SUDS3: variants seen among roughly 807,000 people sequenced by gnomAD.
SUDS3 encodes the protein SIN3A corepressor complex component SDS3, also known as sin3 histone deacetylase corepressor complex component SDS3.
In SUDS3, 23 loss-of-function variants were observed where a neutral mutation model predicts 53.5. The observed-to-expected ratio is 0.43, with a 90% CI of 0.31 to 0.61. The LOEUF is 0.61. Ranked by LOEUF, SUDS3 falls within the 20% of genes least tolerant of loss-of-function variation. The probability of loss-of-function intolerance (pLI) is 0.10; values close to 1 mark genes in which losing one functional copy is unlikely to be tolerated. For missense variants in SUDS3, 291 were observed against 405.9 expected (o/e 0.72, Z 2.43); for synonymous variants, 150 against 148.5 (o/e 1.01, Z -0.08).
chr12:118,381,994 CAA>C (rs1252811508), intron 2 of SUDS3, among the ~76,000 whole-genome samples: 1 of 152,000 alleles, frequency 6.6e-6, no homozygotes, highest in East Asian at 1.9e-4. Context: ...CTTTGGAACT[CAA>C]AGGGGTAATT....
At chr12:118,379,777 C>T (rs2046038200) in intron 1 of SUDS3, among the ~76,000 whole-genome samples, 2 of 152,214 alleles carry the variant, frequency 1.3e-5, no homozygotes. Context: ...CTGCCTGTGC[C>T]TGAGACACCC....
intron 5 of SUDS3, among the ~76,000 whole-genome samples, chr12:118,390,657 A>G (rs867086713): frequency 8.5e-5 from 13 of 152,246 alleles, no homozygotes; most frequent in Middle Eastern, 3.2e-3. Flanking sequence ...GCGAGATTTG[A>G]AAAGCGGAGG....
chr12:118,397,396 CA>C (rs2046225757), intron 6 of SUDS3, among the ~76,000 whole-genome samples: 1 of 152,186 alleles, frequency 6.6e-6, no homozygotes, highest in African/African-American at 2.4e-5. Flanking sequence ...CTTCCAGGTG[CA>C]CTCAGACCTG....
intron 6 of SUDS3, among the ~76,000 whole-genome samples, chr12:118,395,851 C>A (rs1360168094): frequency 6.6e-6 from 1 of 151,990 alleles, no homozygotes; most frequent in Non-Finnish European, 1.5e-5. Flanking sequence ...GCCACCATGC[C>A]TGACTAATTT....
chr12:118,388,837 C>T (rs2046138514), intron 4 of SUDS3, among the ~76,000 whole-genome samples: 1 of 152,086 alleles, frequency 6.6e-6, no homozygotes, highest in South Asian at 2.1e-4. Flanking sequence ...ACATATAGCC[C>T]TTCATATAGT....
At chr12:118,407,135 A>G (rs564306749) in intron 10 of SUDS3, among the ~76,000 whole-genome samples, 1 of 152,206 alleles carries the variant, frequency 6.6e-6, no homozygotes, top group African/African-American at 2.4e-5. Flanking sequence ...CCTGAGCTGA[A>G]GTGATCCTCC....
chr12:118,376,878 C>A, intron 1 of SUDS3, 45 bp downstream of exon 1: 1 of 1,044,922 alleles, frequency 9.6e-7, no homozygotes, highest in Non-Finnish European at 1.3e-6. Flanking sequence ...GAGGTGGGAC[C>A]GCTGGGGGAG....
In SUDS3 at chr12:118,401,891, T is replaced by A. The variant is rs904162991; in HGVS notation, c.675+71T>A. The A allele has an allele frequency of 4.4e-6, 7 of 1,587,418 alleles. No individual in the cohort carries two copies. In the Admixed American group the frequency reaches 1.2e-4, roughly 27 times the overall value. On this transcript the variant is annotated intron_variant, in intron 8 of 11. Coordinates refer to ENST00000543473, the MANE Select transcript of SUDS3 (RefSeq NM_022491.3). ...GGTTTTCTGATTTTGTTTGTTAACATGTTACTTGTTAATCATTATGATACC... is the reference window on the plus strand; with the variant it reads ...GGTTTTCTGATTTTGTTTGTTAACAAGTTACTTGTTAATCATTATGATACC...
At chr12:118,394,931 T>C (rs1264186449) in intron 6 of SUDS3, among the ~76,000 whole-genome samples, 2 of 152,212 alleles carry the variant, frequency 1.3e-5, no homozygotes, top group East Asian at 3.9e-4. Flanking sequence ...GCAATCTGCC[T>C]GCCTTGGTCT....
chr12:118,391,094 G>T lies in SUDS3; in HGVS notation c.361-32G>T, dbSNP rs763205495. 3.0e-5 allele frequency: 48 copies of T among 1,610,976 alleles called. No individual in the cohort carries two copies. The African/African-American group carries it at 6.2e-4, about 21-fold the overall frequency. ...TTGGAGCCCTGGCTCCCAGGGCTGT[G>T]TACTCCCAGCCCGTGTTTCTCTTTT... is the stretch of plus-strand genomic sequence containing the variant. On this transcript the variant is annotated intron_variant, in intron 5 of 11. Transcript: ENST00000543473.
chr12:118,408,239 G>C (rs2046325585), intron 10 of SUDS3, among the ~76,000 whole-genome samples: 1 of 151,288 alleles, frequency 6.6e-6, no homozygotes, highest in African/African-American at 2.4e-5. Context: ...TCACCTTGTT[G>C]CCCAGGCTGG....
intron 6 of SUDS3, 68 bp from the exon 7 acceptor site, chr12:118,400,591 T>A: frequency 1.4e-6 from 2 of 1,459,168 alleles, no homozygotes; most frequent in Middle Eastern, 3.9e-4. Flanking sequence ...GATATTCTTA[T>A]ACTATAGAAA....
At chr12:118,392,464 C>T (rs1420447481) in intron 6 of SUDS3, among the ~76,000 whole-genome samples, 1 of 152,178 alleles carries the variant, frequency 6.6e-6, no homozygotes, top group Admixed American at 6.5e-5. Flanking sequence ...TTAGCTTCCT[C>T]ATAGAGAGAG....
chr12:118,390,228 C>T (rs185384728), intron 5 of SUDS3, among the ~76,000 whole-genome samples: 102 of 152,326 alleles, frequency 6.7e-4, no homozygotes, highest in Admixed American at 3.6e-3. Flanking sequence ...TGAGTTATAA[C>T]GGCCTAATAG....
intron 3 of SUDS3, among the ~76,000 whole-genome samples, chr12:118,385,653 C>T (rs566377788): frequency 1.3e-5 from 2 of 152,300 alleles, no homozygotes; most frequent in South Asian, 2.1e-4. Context: ...TTTAGTTCTT[C>T]GGTTCCACTA....
At chr12:118,380,108 G>A in intron 1 of SUDS3, 54 bp from the exon 2 acceptor site, 4 of 1,459,434 alleles carry the variant, frequency 2.7e-6, no homozygotes, top group East Asian at 2.4e-5. Context: ...GTCAGGTGAC[G>A]CCAACTCCGT....
intron 11 of SUDS3, among the ~76,000 whole-genome samples, chr12:118,411,659 G>A (rs557238166): frequency 1.9e-4 from 29 of 151,958 alleles, no homozygotes; most frequent in African/African-American, 6.5e-4. Flanking sequence ...CACCACGCCC[G>A]GCTAATTTTT....
At chr12:118,400,494 T>C (rs1232097432) in intron 6 of SUDS3, among the ~76,000 whole-genome samples, 165 bp from the exon 7 acceptor site, 1 of 152,152 alleles carries the variant, frequency 6.6e-6, no homozygotes, top group Non-Finnish European at 1.5e-5. Context: ...ATAAACGCTT[T>C]CTAAAATCTA....
intron 1 of SUDS3, among the ~76,000 whole-genome samples, chr12:118,379,915 T>A (rs1316788130): frequency 6.6e-6 from 1 of 152,202 alleles, no homozygotes; most frequent in Non-Finnish European, 1.5e-5. Context: ...TTCCAGGACT[T>A]CATGGATACT....
Sources: gnomAD v4.1 joint callset for allele counts (sites outside exome capture counted in the v4.1 genomes callset) on GRCh38, gnomAD v4.1.1 for gene constraint, MANE v1.5 for transcripts, NCBI Gene and HGNC (gene_info 2026-07-23, HGNC 2026-07-21) for gene names.